The following TNPO2 variants were observed in gnomAD, a reference collection of about 807,000 sequenced individuals.
TNPO2 encodes the protein transportin-2.
A neutral mutation model predicts 111.1 loss-of-function variants in TNPO2; 16 were observed. The observed-to-expected ratio is 0.14, with a 90% CI of 0.10 to 0.22. The LOEUF (loss-of-function observed/expected upper bound fraction) is 0.22. Among genes scored for constraint, TNPO2 ranks in the 10% least tolerant of loss-of-function variants. The pLI is 1.00. For missense variants in TNPO2, 530 were observed against 1,173.7 expected, an observed-to-expected ratio of 0.45 and a Z score of 8.01; for synonymous variants, 481 against 475.8, an observed-to-expected ratio of 1.01 and a Z score of -0.14.
At chr19:12,718,873 A>G (rs1028826250) in intron 5 of TNPO2, among the ~76,000 whole-genome samples, 156 bp downstream of exon 5, 6 of 152,118 alleles carry the variant, frequency 3.9e-5, no homozygotes, top group African/African-American at 1.4e-4. Context: ...AGGTCCCTTA[A>G]TAGCTCAGCG....
chr19:12,718,508 GT>G (rs1345825386), intron 5 of TNPO2, among the ~76,000 whole-genome samples: 2 of 152,050 alleles, frequency 1.3e-5, no homozygotes, highest in East Asian at 3.9e-4. Context: ...GTTTCACCAT[GT>G]TGGCCAGGCT....
rs1270256550 is a variant in TNPO2, at chr19:12,705,818, G to A, written c.1669-50C>T. 6.1e-6 allele frequency: 8 copies of A among 1,309,104 alleles called. No homozygotes were observed. Among genetic ancestry groups the A allele is most frequent in the Non-Finnish European group, 8.2e-6 (8 of 970,798 alleles). The allele number at this position is 1,309,104 out of a possible 1,614,324, so 81.1% of individuals were successfully genotyped here. A position where few individuals can be genotyped will look rare whatever the true frequency, so the allele number is the denominator to read the frequency against. ...GCTCCCTGGGTCGGGGTGGCAGACT[G>A]TGACTCAGGTACCTGTTGCCCGAGT... On this transcript the variant is annotated intron_variant, in intron 15 of 25. Transcript: ENST00000425528. The surrounding 1 kb of genome is among the most constrained non-coding windows in gnomAD (Gnocchi z 7.2).
rs975914131 is a variant in TNPO2, at chr19:12,706,111, T to G, written c.1668+85A>C. On this transcript the variant is annotated intron_variant, in intron 15 of 25. Coordinates refer to ENST00000425528, the MANE Select transcript of TNPO2 (RefSeq NM_001382241.1). This position sits in a 1 kb window ranked among gnomAD's most constrained non-coding sequence, Gnocchi z 7.0. ...CCTGTCGAGGTCACGGCCACGTCCC[T>G]GGCGTGCAACACGGGGTTGCCACCA... The G allele has an allele frequency of 1.3e-6, 2 of 1,491,602 alleles. No homozygotes were observed. Among genetic ancestry groups the G allele is most frequent in the Non-Finnish European group, 1.8e-6 (2 of 1,104,250 alleles). 92.4% of individuals were successfully genotyped at this position (1,491,602 alleles called of 1,614,324 possible). A position where few individuals can be genotyped will look rare whatever the true frequency, so the allele number is the denominator to read the frequency against.
chr19:12,710,673 G>T lies in TNPO2; in HGVS notation c.1218C>A (p.Pro406=). 1 of 1,613,574 alleles carries T rather than the reference G, an allele frequency of 6.2e-7. No homozygotes were observed. ...LPLLKGLLFH[P]EWVVKESGIL... ...TGCCCGACTCCTTGACCACCCACTC[G>T]GGGTGGAAGAGGAGGCCTTTGAGTA... is the stretch of plus-strand genomic sequence containing the variant. The change falls in exon 13 of 26, where the codon CCC becomes CCA. Residue 406 remains proline (P), a synonymous_variant. Coordinates refer to ENST00000425528, the MANE Select transcript of TNPO2 (RefSeq NM_001382241.1).
chr19:12,711,531 T>C lies in TNPO2; in HGVS notation c.951+22A>G, dbSNP rs1359820758. 3 of 1,612,554 alleles carry C rather than the reference T, an allele frequency of 1.9e-6. No individual in the cohort carries two copies. In the South Asian group the frequency reaches 3.3e-5, roughly 18 times the overall value. On this transcript the variant is annotated intron_variant, in intron 11 of 25. Coordinates refer to ENST00000425528, the MANE Select transcript of TNPO2 (RefSeq NM_001382241.1). The stretch of plus-strand genomic sequence containing the variant: ...CGACACCCACGCCCATGCCCACCCA[T>C]GCTGGGTGGGCCCTGCCTGACCTTG...
rs761631909 is a variant in TNPO2 at position 12,719,104 on chromosome 19, G to T, written c.250C>A (p.Pro84Thr). The T allele has an allele frequency of 1.1e-5, 18 of 1,613,868 alleles. 1 individual carries two copies. In the East Asian group the frequency reaches 2.0e-4, roughly 18 times the overall value. ...TCCTGTTTGATGAAGTCTGCCACAG[G>T]GGGTGGGAAGCTCTGATAGTGTGCC... is the stretch of plus-strand genomic sequence containing the variant. ...VKAHYQSFPP[P>T]VADFIKQECL... Residue 84 changes from proline (P) to threonine (T), a missense_variant, in exon 5 of 26, where the codon CCT becomes ACT. Physicochemically the swap from Pro to Thr is conservative, Grantham distance 38. Transcript: ENST00000425528. This position sits in a 1 kb window ranked among gnomAD's most constrained non-coding sequence, Gnocchi z 5.0.
intron 5 of TNPO2, among the ~76,000 whole-genome samples, chr19:12,716,506 A>T (rs1201435246): frequency 2.0e-5 from 3 of 152,124 alleles, no homozygotes; most frequent in Admixed American, 6.6e-5. Flanking sequence ...GGCACCAGTA[A>T]TCCCAGCTAC....
Position 12,706,872 on chromosome 19 carries a change from C to T in TNPO2, c.1271-77G>A, listed in dbSNP as rs527727562. The T allele has an allele frequency of 5.8e-5, 70 of 1,212,674 alleles. No homozygotes were observed. The highest frequency in any genetic ancestry group is 5.1e-4 in the African/African-American group (34 of 66,574). The allele number at this position is 1,212,674 out of a possible 1,614,324, so 75.1% of individuals were successfully genotyped here. Reference sequence around the variant, plus strand: ...CCACCGTATGGAGAGAAGAGTCAGCCGCACACAACATATAGGGAAACTGAG... The same window carrying T: ...CCACCGTATGGAGAGAAGAGTCAGCTGCACACAACATATAGGGAAACTGAG... On this transcript the variant is annotated intron_variant, in intron 13 of 25. Coordinates refer to ENST00000425528, the MANE Select transcript of TNPO2 (RefSeq NM_001382241.1). This position sits in a 1 kb window ranked among gnomAD's most constrained non-coding sequence, Gnocchi z 7.0.
intron 13 of TNPO2, among the ~76,000 whole-genome samples, chr19:12,708,066 A>C (rs6511834): frequency 0.99 from 150,229 of 152,272 alleles, 74,173 homozygotes; most frequent in African/African-American, 1. Flanking sequence ...AGTTGATTCA[A>C]CCGCCTCGGC....
rs372820754 is a variant in TNPO2 at position 12,715,597 on chromosome 19, A to G, written c.432+36T>C. On this transcript the variant is annotated intron_variant, in intron 6 of 25. Coordinates refer to ENST00000425528, the MANE Select transcript of TNPO2 (RefSeq NM_001382241.1). This position sits in a 1 kb window ranked among gnomAD's most constrained non-coding sequence, Gnocchi z 7.1. ...TGGTGGGTGGTGGTCCCAGCCCCCC[A>G]GTACTCGCTCTGGCCATCCATGGCT... 57 of 1,613,644 alleles carry G rather than the reference A, an allele frequency of 3.5e-5. No homozygotes were observed. The African/African-American group carries it at 5.3e-4, about 15-fold the overall frequency.
intron 12 of TNPO2, 82 bp downstream of exon 12, chr19:12,711,214 T>A (rs957283609): frequency 1.3e-6 from 2 of 1,545,250 alleles, no homozygotes; most frequent in Non-Finnish European, 1.8e-6. Context: ...TCTAATCAGC[T>A]TCTGCCTCAG....
intron 12 of TNPO2, 114 bp downstream of exon 12, chr19:12,711,182 C>T: frequency 7.0e-7 from 1 of 1,430,140 alleles, no homozygotes; most frequent in East Asian, 2.3e-5. Context: ...GCGTAAGCCA[C>T]TGCGCCCGGC....
Position 12,711,280 on chromosome 19 carries a change from AGGCAGG to A in TNPO2, c.1117+10_1117+15del. 1 of 1,608,962 alleles carries A rather than the reference AGGCAGG, an allele frequency of 6.2e-7. No individual in the cohort carries two copies. Among genetic ancestry groups the A allele is most frequent in the Non-Finnish European group, 8.5e-7 (1 of 1,176,726 alleles). On this transcript the variant is annotated intron_variant, in intron 12 of 25. Coordinates refer to ENST00000425528, the MANE Select transcript of TNPO2 (RefSeq NM_001382241.1). ...GGCTTGCCACCCCACCACCACCCCC[AGGCAGG>A]GGCACACACTCAAATTCCAGTCGGA...
Position 12,721,425 on chromosome 19 carries a change from G to A in TNPO2, c.-13-435C>T, listed in dbSNP as rs1966938503. On this transcript the variant is annotated intron_variant, in intron 2 of 25. Transcript: ENST00000425528. The surrounding 1 kb of genome is among the most constrained non-coding windows in gnomAD (Gnocchi z 4.9). ...CCCCGGCCCCCGTGGTCTCTTCTAT[G>A]CAGGCACAGTCCCTGAAGAGTCCCC... 3.2e-6 allele frequency: 2 copies of A among 619,704 alleles called. No individual in the cohort carries two copies. The highest frequency in any genetic ancestry group is 7.2e-5 in the East Asian group (1 of 13,810). 38.4% of individuals were successfully genotyped at this position (619,704 alleles called of 1,614,324 possible).
At chr19:12,720,039 C>G (rs2026587984) in intron 3 of TNPO2, among the ~76,000 whole-genome samples, 2 of 151,436 alleles carry the variant, frequency 1.3e-5, no homozygotes, top group African/African-American at 4.9e-5. Flanking sequence ...TATTTTCAGA[C>G]AGAGTCTCAC....
chr19:12,703,541 C>A lies in TNPO2; in HGVS notation c.2111-15G>T, dbSNP rs748709036. On this transcript the variant is annotated splice_polypyrimidine_tract_variant and intron_variant, in intron 19 of 25. Coordinates refer to ENST00000425528, the MANE Select transcript of TNPO2 (RefSeq NM_001382241.1). ...CATGAACTCGGCTGGTGGGGAGAAA[C>A]AGGGGTGCTGAGAAGGAGGGCCAGC... 1.9e-6 allele frequency: 3 copies of A among 1,613,646 alleles called. No individual in the cohort carries two copies. Among genetic ancestry groups the A allele is most frequent in the Admixed American group, 3.3e-5 (2 of 60,020 alleles).
At position 12,702,796 on chromosome 19, in the gene TNPO2, C is replaced by G. The variant is rs1232524071; in HGVS notation, c.2305+27G>C. 2 of 1,604,966 alleles carry G rather than the reference C, an allele frequency of 1.2e-6. No homozygotes were observed. The highest frequency in any genetic ancestry group is 3.3e-5 in the Admixed American group (2 of 59,964). On this transcript the variant is annotated intron_variant, in intron 21 of 25. Coordinates refer to ENST00000425528, the MANE Select transcript of TNPO2 (RefSeq NM_001382241.1). This position sits in a 1 kb window ranked among gnomAD's most constrained non-coding sequence, Gnocchi z 5.5. ...CACCTCCAGAAGGCAGGCAGGGGTG[C>G]AGGCAGCAGCCGGGCCAGGTGCCCA...
chr19:12,714,682 A>T, intron 10 of TNPO2, 139 bp downstream of exon 10: 1 of 684,854 alleles, frequency 1.5e-6, no homozygotes, highest in Non-Finnish European at 2.5e-6. Flanking sequence ...CATTCTTACC[A>T]CTTACACATA....
chr19:12,716,292 G>T (rs935474319), intron 5 of TNPO2, among the ~76,000 whole-genome samples: 2 of 152,182 alleles, frequency 1.3e-5, no homozygotes, highest in Admixed American at 6.5e-5. Context: ...ACCCTTGGGA[G>T]CTGGAAGCAA....
Sources: gnomAD v4.1 joint callset for allele counts (sites outside exome capture counted in the v4.1 genomes callset) on GRCh38, gnomAD v4.1.1 for gene constraint, Gnocchi (gnomAD v3.1) non-coding constraint, MANE v1.5 for transcripts, NCBI Gene and HGNC (gene_info 2026-07-23, HGNC 2026-07-21) for gene names.